CNOT9: variants seen among roughly 807,000 people sequenced by gnomAD.
CNOT9 encodes CCR4-NOT transcription complex subunit 9.
A neutral mutation model predicts 37.4 loss-of-function variants in CNOT9; 8 were observed. That is an observed-to-expected ratio of 0.21 (90% CI 0.13 to 0.39). CNOT9 has a LOEUF of 0.39. CNOT9 is among the 10% of genes least tolerant of loss of function. The pLI is 1.00. For missense variants in CNOT9, 154 were observed against 365.3 expected, an observed-to-expected ratio of 0.42 and a Z score of 4.71; for synonymous variants, 120 against 137.6, an observed-to-expected ratio of 0.87 and a Z score of 0.90.
At chr2:218,574,081 C>T (rs529028384) in intron 1 of CNOT9, 46 of 417,868 alleles carry the variant, frequency 1.1e-4, no homozygotes, top group South Asian at 7.3e-4. Flanking sequence ...TCGATTCTCC[C>T]ACCTCAGCCT....
At chr2:218,579,113 CCT>C (rs1291783249) in intron 1 of CNOT9, among the ~76,000 whole-genome samples, 2 of 151,948 alleles carry the variant, frequency 1.3e-5, no homozygotes, top group East Asian at 3.9e-4. Context: ...AATTTTTTTT[CCT>C]CTCAAAAACT....
intron 4 of CNOT9, among the ~76,000 whole-genome samples, chr2:218,585,060 C>T (rs931762827): frequency 5.3e-5 from 8 of 151,948 alleles, no homozygotes; most frequent in Non-Finnish European, 5.9e-5. Flanking sequence ...GGGACTTCTC[C>T]TCTTCCCTTC....
chr2:218,578,794 A>G (rs569782069), intron 1 of CNOT9, among the ~76,000 whole-genome samples: 10 of 152,304 alleles, frequency 6.6e-5, no homozygotes, highest in South Asian at 6.2e-4. Flanking sequence ...CTAGTCTCCC[A>G]TCTTGTTTTC....
intron 4 of CNOT9, chr2:218,587,212 G>C (rs1694622785): frequency 6.4e-6 from 1 of 156,400 alleles, no homozygotes; most frequent in Non-Finnish European, 1.4e-5. Context: ...ACTGTAACCT[G>C]TACAGGTTCA....
intron 5 of CNOT9, chr2:218,589,168 G>T (rs886441433): frequency 6.6e-6 from 1 of 151,786 alleles, no homozygotes; most frequent in Non-Finnish European, 1.5e-5. Context: ...CTTGAGTTGG[G>T]TGTAAGCAGG....
intron 1 of CNOT9, chr2:218,573,641 T>TATAG (rs1694073140): frequency 6.6e-6 from 1 of 152,310 alleles, no homozygotes; most frequent in South Asian, 2.1e-4. Flanking sequence ...CTTTACCATT[T>TATAG]ATAGATAAAT....
At chr2:218,575,198 A>G (rs1694123799) in intron 1 of CNOT9, among the ~76,000 whole-genome samples, 1 of 152,172 alleles carries the variant, frequency 6.6e-6, no homozygotes, top group African/African-American at 2.4e-5. Context: ...TTATATACAC[A>G]TGTAGTTCCT....
intron 2 of CNOT9, 198 bp downstream of exon 2, chr2:218,580,938 T>G: frequency 1.5e-6 from 1 of 665,094 alleles, no homozygotes; most frequent in Non-Finnish European, 2.7e-6. Context: ...TTCAATTTAG[T>G]CAGTCTGAGG....
intron 4 of CNOT9, among the ~76,000 whole-genome samples, chr2:218,586,065 G>A (rs1440012231): frequency 6.6e-6 from 1 of 152,142 alleles, no homozygotes; most frequent in African/African-American, 2.4e-5. Flanking sequence ...GAAATAAAAT[G>A]CAGAGATAAA....
chr2:218,568,969 G>A lies in CNOT9; in HGVS notation c.15G>A (p.Ala5=). The change falls in exon 1 of 8, where the codon GCG becomes GCA. Residue 5 remains alanine (A), a synonymous_variant. Transcript: ENST00000273064. ...CCGCTCACAACATGCACAGCCTGGC[G>A]ACGGCTGCGGTGAGTGGCTGGGCCC... MHSL[A]TAAPVPTTLA... 6.2e-7 allele frequency: 1 copy of A among 1,611,210 alleles called. No homozygotes were observed. Among genetic ancestry groups the A allele is most frequent in the Non-Finnish European group, 8.5e-7 (1 of 1,178,786 alleles).
intron 2 of CNOT9, 56 bp from the exon 3 acceptor site, chr2:218,582,915 T>A: frequency 1.1e-6 from 1 of 939,990 alleles, no homozygotes; most frequent in Non-Finnish European, 1.7e-6. Flanking sequence ...TTTATTACCA[T>A]GGGAATTAAT....
At position 218,593,845 on chromosome 2, in the gene CNOT9, G is replaced by A. The variant is rs770441691; in HGVS notation, c.732-263G>A. 4.4e-5 allele frequency: 54 copies of A among 1,218,044 alleles called. No individual in the cohort carries two copies. The East Asian group carries it at 1.4e-3, about 32-fold the overall frequency. The allele number at this position is 1,218,044 out of a possible 1,614,324, so 75.5% of individuals were successfully genotyped here. ...AATAAATCAGAAAGCTGTTTGAATG[G>A]AAGTAAACTATTGAACCTTTTAATT... On this transcript the variant is annotated intron_variant, in intron 7 of 7. Transcript: ENST00000273064.
chr2:218,592,241 G>C lies in CNOT9; in HGVS notation c.541-63G>C. ...CTGATAGTCATGCCTGGGAAAATGA[G>C]TAGAAAATGAGAAGATTAAATCTGA... is the stretch of plus-strand genomic sequence containing the variant. On this transcript the variant is annotated intron_variant, in intron 5 of 7. Transcript: ENST00000273064. The surrounding 1 kb of genome is among the most constrained non-coding windows in gnomAD (Gnocchi z 4.1). 8.1e-7 allele frequency: 1 copy of C among 1,232,496 alleles called. No individual in the cohort carries two copies. Among genetic ancestry groups the C allele is most frequent in the Non-Finnish European group, 1.2e-6 (1 of 843,544 alleles). The allele number at this position is 1,232,496 out of a possible 1,614,324, so 76.3% of individuals were successfully genotyped here. A position where few individuals can be genotyped will look rare whatever the true frequency, so the allele number is the denominator to read the frequency against.
rs1246326063 is a variant in CNOT9 at position 218,596,391 on chromosome 2, A to G, written c.*2115A>G. 6.6e-6 allele frequency: 1 copy of G among 152,210 alleles called. No homozygotes were observed. Among genetic ancestry groups the G allele is most frequent in the African/African-American group, 2.4e-5 (1 of 41,444 alleles). 9.4% of individuals were successfully genotyped at this position (152,210 alleles called of 1,614,324 possible). On this transcript the variant is annotated 3_prime_UTR_variant, in exon 8 of 8. Coordinates refer to ENST00000273064, the MANE Select transcript of CNOT9 (RefSeq NM_005444.3). ...TTGTGTTTTCCATCCCTCTCCCTTAACAGGATTGAAATAAAACATGCTTCT... is the reference window on the plus strand; with the variant it reads ...TTGTGTTTTCCATCCCTCTCCCTTAGCAGGATTGAAATAAAACATGCTTCT...
At chr2:218,579,767 A>G (rs1694305279) in intron 1 of CNOT9, among the ~76,000 whole-genome samples, 1 of 151,806 alleles carries the variant, frequency 6.6e-6, no homozygotes. Flanking sequence ...GATTACAGGC[A>G]TGAGCCACCA....
chr2:218,571,957 T>A (rs532493047), intron 1 of CNOT9, among the ~76,000 whole-genome samples: 1 of 152,210 alleles, frequency 6.6e-6, no homozygotes, highest in Admixed American at 6.5e-5. Flanking sequence ...TGAGCATAAT[T>A]TCTTTTTTCT....
intron 7 of CNOT9, among the ~76,000 whole-genome samples, chr2:218,593,355 G>A (rs1014073868): frequency 3.9e-5 from 6 of 152,192 alleles, no homozygotes; most frequent in Non-Finnish European, 5.9e-5. Flanking sequence ...GTTTATTCAA[G>A]CCCTACCTGT....
At chr2:218,570,520 C>T (rs965250176) in intron 1 of CNOT9, among the ~76,000 whole-genome samples, 8 of 152,134 alleles carry the variant, frequency 5.3e-5, no homozygotes, top group African/African-American at 2.4e-5. Flanking sequence ...TTGCAATTCC[C>T]CTAGCTTTTT....
At chr2:218,571,097 A>G (rs1038793514) in intron 1 of CNOT9, among the ~76,000 whole-genome samples, 3 of 152,256 alleles carry the variant, frequency 2.0e-5, no homozygotes. Context: ...GGAATTTGAG[A>G]AGCATAATTA....
Sources: allele counts gnomAD v4.1 joint callset (sites outside exome capture counted in the v4.1 genomes callset), GRCh38; gene constraint gnomAD v4.1.1; non-coding constraint Gnocchi (gnomAD v3.1); transcripts MANE v1.5; gene names NCBI Gene and HGNC (gene_info 2026-07-23, HGNC 2026-07-21).